Variants in STK32B observed in about 807,000 individuals in gnomAD.
The protein encoded by STK32B is serine/threonine kinase 32B, also known as serine/threonine-protein kinase 32B.
In STK32B, 43 loss-of-function variants were observed where a neutral mutation model predicts 52.6. The ratio of observed to expected loss-of-function variants is 0.82; its 90% confidence interval spans 0.64 to 1.05. STK32B has a LOEUF of 1.05. Among genes scored for constraint, STK32B ranks in the 50% least tolerant of loss-of-function variants. The pLI, the probability that STK32B is intolerant of heterozygous loss-of-function variation, is 0.00. For synonymous variants in STK32B, 238 were observed against 204.3 expected, an observed-to-expected ratio of 1.17 and a Z score of -1.41; for missense variants, 621 against 534.6, an observed-to-expected ratio of 1.16 and a Z score of -1.59.
intron 3 of STK32B, among the ~76,000 whole-genome samples, chr4:5,180,854 G>A (rs1377772182): frequency 6.6e-6 from 1 of 152,182 alleles, no homozygotes; most frequent in African/African-American, 2.4e-5. Flanking sequence ...CGAATGATTT[G>A]TGCTCCTAAG....
chr4:5,073,256 T>C (rs114752517), intron 1 of STK32B, among the ~76,000 whole-genome samples: 2,021 of 152,144 alleles, frequency 0.013, 21 homozygotes, highest in Non-Finnish European at 0.022. Flanking sequence ...GTGTTTTTTG[T>C]TAATCTAATG....
intron 5 of STK32B, among the ~76,000 whole-genome samples, chr4:5,410,496 G>C (rs1053324560): frequency 7.9e-5 from 12 of 152,110 alleles, no homozygotes; most frequent in Admixed American, 6.6e-5. Context: ...CCCACTCCCA[G>C]GAATTTCTAG....
chr4:5,221,827 G>C (rs1212901921), intron 3 of STK32B, among the ~76,000 whole-genome samples: 1 of 130,654 alleles, frequency 7.7e-6, no homozygotes, highest in Non-Finnish European at 1.5e-5. Flanking sequence ...CTGCATTCCA[G>C]CCTGGAGACA....
chr4:5,499,990 A>AGAGT lies in STK32B; in HGVS notation c.*908_*911dup, dbSNP rs890197872. 6.6e-6 allele frequency: 1 copy of AGAGT among 152,188 alleles called. No homozygotes were observed. Among genetic ancestry groups the AGAGT allele is most frequent in the Non-Finnish European group, 1.5e-5 (1 of 68,052 alleles). 9.4% of individuals were successfully genotyped at this position (152,188 alleles called of 1,614,324 possible). A position where few individuals can be genotyped will look rare whatever the true frequency, so the allele number is the denominator to read the frequency against. On this transcript the variant is annotated 3_prime_UTR_variant, in exon 12 of 12. Coordinates refer to ENST00000282908, the MANE Select transcript of STK32B (RefSeq NM_018401.3). ...TCAGCTTGTCAGATTCTTCTTACAG[A>AGAGT]GAGTATCCAATCGGTATTGGTGGAG...
intron 6 of STK32B, among the ~76,000 whole-genome samples, chr4:5,433,722 A>G (rs901948019): frequency 1.3e-5 from 2 of 152,216 alleles, no homozygotes; most frequent in African/African-American, 2.4e-5. Flanking sequence ...GTTGAATAGC[A>G]TTTCACACTC....
intron 7 of STK32B, among the ~76,000 whole-genome samples, chr4:5,448,469 G>T (rs1019095145): frequency 6.6e-6 from 1 of 152,208 alleles, no homozygotes; most frequent in African/African-American, 2.4e-5. Context: ...TCACAGCAAT[G>T]ACCTTGGCGA....
chr4:5,220,575 G>C (rs1282032925), intron 3 of STK32B, among the ~76,000 whole-genome samples: 1 of 152,138 alleles, frequency 6.6e-6, no homozygotes, highest in Non-Finnish European at 1.5e-5. Context: ...AAATGCAAAA[G>C]GTCAAATGAC....
intron 1 of STK32B, among the ~76,000 whole-genome samples, chr4:5,124,870 TC>T (rs1185355573): frequency 1.3e-5 from 2 of 152,178 alleles, no homozygotes; most frequent in Non-Finnish European, 2.9e-5. Context: ...TCATGAACCT[TC>T]CCCTCCAATC....
chr4:5,415,418 G>T (rs1003655549), intron 5 of STK32B, among the ~76,000 whole-genome samples: 2 of 152,216 alleles, frequency 1.3e-5, no homozygotes, highest in Non-Finnish European at 2.9e-5. Context: ...CTGGCTCAGA[G>T]TGTGTGCACC....
At position 5,290,374 on chromosome 4, in the gene STK32B, T is replaced by G. The variant is rs11730256; in HGVS notation, c.261-40846T>G. ...AAAAATGTTTTATTCCTTTATATGC[T>G]TATTCTATAATATTTTTTCTATTTC... On this transcript the variant is annotated intron_variant, in intron 3 of 11. Transcript: ENST00000282908. 9.8e-3 allele frequency among the ~76,000 whole-genome samples: 1,487 copies of G among 152,328 alleles called. 12 individuals carry two copies. The highest frequency in any genetic ancestry group is 0.016 in the Non-Finnish European group (1,090 of 68,030).
At chr4:5,122,771 A>G (rs556055903) in intron 1 of STK32B, among the ~76,000 whole-genome samples, 22 of 152,232 alleles carry the variant, frequency 1.4e-4, no homozygotes, top group Admixed American at 1.3e-3. Context: ...TGCTGGGCTG[A>G]CTGCATCTGG....
intron 4 of STK32B, among the ~76,000 whole-genome samples, chr4:5,390,567 C>T (rs1347136019): frequency 2.0e-5 from 3 of 152,186 alleles, no homozygotes; most frequent in Non-Finnish European, 4.4e-5. Flanking sequence ...CCTGGTCCCT[C>T]TGTCTCTGTC....
chr4:5,174,465 C>A (rs1470569456), intron 3 of STK32B, among the ~76,000 whole-genome samples: 1 of 152,136 alleles, frequency 6.6e-6, no homozygotes, highest in East Asian at 1.9e-4. Flanking sequence ...ATGTTTAGTG[C>A]TTCCTTCAGG....
At chr4:5,496,230 TCCAGTTCCAGCTTCCAGG>T in intron 11 of STK32B, among the ~76,000 whole-genome samples, 1 of 152,350 alleles carries the variant, frequency 6.6e-6, no homozygotes, top group South Asian at 2.1e-4. Flanking sequence ...GTGGGCTCCA[TCCAGTTCCAGCTTCCAGG>T]CCACTTTGTT....
intron 3 of STK32B, among the ~76,000 whole-genome samples, chr4:5,258,914 A>C (rs1331414606): frequency 6.6e-6 from 1 of 152,210 alleles, no homozygotes; most frequent in Non-Finnish European, 1.5e-5. Flanking sequence ...ATGAGGCTCC[A>C]TGTGGTGAGT....
At chr4:5,420,554 A>G (rs1179157376) in intron 6 of STK32B, among the ~76,000 whole-genome samples, 4 of 152,190 alleles carry the variant, frequency 2.6e-5, no homozygotes, top group African/African-American at 9.7e-5. Context: ...GTGAAGTGGC[A>G]TGATGCAGAC....
At chr4:5,222,701 T>C (rs897334313) in intron 3 of STK32B, among the ~76,000 whole-genome samples, 1 of 152,218 alleles carries the variant, frequency 6.6e-6, no homozygotes. Flanking sequence ...ATAACTTCTC[T>C]TAATTGATTA....
chr4:5,427,264 CT>C (rs1393078434), intron 6 of STK32B, among the ~76,000 whole-genome samples: 2 of 152,150 alleles, frequency 1.3e-5, no homozygotes, highest in East Asian at 3.8e-4. Context: ...AACGTAGTAT[CT>C]TTTACATATA....
intron 3 of STK32B, among the ~76,000 whole-genome samples, chr4:5,282,599 G>C (rs901627885): frequency 5.9e-5 from 9 of 152,144 alleles, no homozygotes; most frequent in African/African-American, 2.2e-4. Flanking sequence ...TATGTGATGA[G>C]ATGAAGTGAG....
Sources: allele counts gnomAD v4.1 joint callset (sites outside exome capture counted in the v4.1 genomes callset), GRCh38; gene constraint gnomAD v4.1.1; transcripts MANE v1.5; gene names NCBI Gene and HGNC (gene_info 2026-07-23, HGNC 2026-07-21).